ZNF251: variants seen among roughly 807,000 people sequenced by gnomAD.
ZNF251 encodes zinc finger protein 251.
Under a neutral mutation model 13.5 loss-of-function variants are expected in ZNF251, and 14 were observed. That is an observed-to-expected ratio of 1.04 (90% CI 0.69 to 1.63). ZNF251 has a LOEUF of 1.63. Ranked by LOEUF, ZNF251 falls within the 40% of genes most tolerant of loss-of-function variation. The probability of loss-of-function intolerance (pLI) is 0.00; values close to 1 mark genes in which losing one functional copy is unlikely to be tolerated. For missense variants in ZNF251, 764 were observed against 834.9 expected (o/e 0.92, Z 1.05); for synonymous variants, 287 against 295.2 (o/e 0.97, Z 0.28).
intron 4 of ZNF251, among the ~76,000 whole-genome samples, chr8:144,744,793 T>C (rs985832809): frequency 2.6e-5 from 4 of 151,838 alleles, no homozygotes; most frequent in Admixed American, 6.6e-5. Context: ...CAGTGGCTCA[T>C]GTCTGTAATC....
At position 144,753,770 on chromosome 8, in the gene ZNF251, T is replaced by TC. The variant is rs1175871126; in HGVS notation, c.189dup (p.Ile64AspfsTer19). 2 of 1,590,678 alleles carry TC rather than the reference T, an allele frequency of 1.3e-6. No homozygotes were observed. The stretch of plus-strand genomic sequence containing the variant: ...TCCTTCCCCTGCTCCAGCTGGGAGA[T>TC]CAACTCCGGCTTAGGGACAGGGAAT... On this transcript the variant is annotated frameshift_variant, in exon 4 of 5. Coordinates refer to ENST00000292562, the MANE Select transcript of ZNF251 (RefSeq NM_138367.2). LOFTEE classifies it high-confidence loss of function.
At chr8:144,741,229 G>A (rs1315710024) in intron 4 of ZNF251, among the ~76,000 whole-genome samples, 1 of 152,218 alleles carries the variant, frequency 6.6e-6, no homozygotes, top group Admixed American at 6.5e-5. Flanking sequence ...AGAGCCCTGG[G>A]ACAGGCCAAC....
intron 4 of ZNF251, among the ~76,000 whole-genome samples, chr8:144,749,058 G>A (rs948779418): frequency 6.6e-6 from 1 of 152,190 alleles, no homozygotes; most frequent in Admixed American, 6.5e-5. Flanking sequence ...CCAGCTGCCC[G>A]GGATGCTGAT....
At position 144,722,210 on chromosome 8, in the gene ZNF251, TG is replaced by T. The variant is rs1221543654; in HGVS notation, c.1449del (p.His483GlnfsTer104). 4.3e-6 allele frequency: 7 copies of T among 1,613,884 alleles called. No homozygotes were observed. The African/African-American group carries it at 9.4e-5, about 22-fold the overall frequency. ...SSQLTLHQRVHTGEKPYDCGD... is the reference protein window; with the variant it reads ...SSQLTLHQRVXTGEKPYDCGD... Reference sequence around the variant, plus strand: ...CCACAGTCATAGGGCTTCTCTCCAGTGTGAACTCGCTGATGTAGGGTGAGCT... The same window carrying T: ...CCACAGTCATAGGGCTTCTCTCCAGTTGAACTCGCTGATGTAGGGTGAGCT... On this transcript the variant is annotated frameshift_variant, in exon 5 of 5. Coordinates refer to ENST00000292562, the MANE Select transcript of ZNF251 (RefSeq NM_138367.2). LOFTEE classifies it low-confidence loss of function (END_TRUNC). The surrounding 1 kb of genome is among the most constrained non-coding windows in gnomAD (Gnocchi z 4.8).
intron 4 of ZNF251, among the ~76,000 whole-genome samples, chr8:144,745,188 C>CT (rs746070716): frequency 0.051 from 5,792 of 114,456 alleles, 344 homozygotes; most frequent in African/African-American, 0.13. Flanking sequence ...TGTCTAGATT[C>CT]TTTTTTTTTT....
At position 144,753,709 on chromosome 8, in the gene ZNF251, G is replaced by A. The variant is rs1218938414; in HGVS notation, c.251C>T (p.Pro84Leu). 2 of 1,591,994 alleles carry A rather than the reference G, an allele frequency of 1.3e-6. No individual in the cohort carries two copies. Among genetic ancestry groups the A allele is most frequent in the Admixed American group, 1.8e-5 (1 of 56,952 alleles). ...WVLNLLGAEE[P>L]DILKSCQKDS... The stretch of plus-strand genomic sequence containing the variant: ...TTTCTGGCAGCTTTTCAAGATATCT[G>A]GTTCCTCAGCTCCCAGAAGATTCAG... Residue 84 changes from proline (P) to leucine (L), a missense_variant, in exon 4 of 5, where the codon CCA (proline) becomes CTA (leucine). Coordinates refer to ENST00000292562, the MANE Select transcript of ZNF251 (RefSeq NM_138367.2).
At chr8:144,754,863 G>A in intron 1 of ZNF251, 60 bp from the exon 2 acceptor site, 2 of 1,477,474 alleles carry the variant, frequency 1.4e-6, no homozygotes, top group African/African-American at 1.4e-5. Flanking sequence ...AGGATGGCCA[G>A]GAGGCAGAAG....
intron 4 of ZNF251, among the ~76,000 whole-genome samples, chr8:144,730,930 G>A (rs757899325): frequency 5.9e-5 from 9 of 152,354 alleles, no homozygotes; most frequent in Middle Eastern, 3.4e-3. Context: ...GACACCCAGT[G>A]ACGGTCGTGG....
In ZNF251 at chr8:144,721,985, C is replaced by T. The variant is rs1563752995; in HGVS notation, c.1675G>A (p.Val559Ile). The T allele has an allele frequency of 6.4e-7, 1 of 1,555,864 alleles. No homozygotes were observed. The highest frequency in any genetic ancestry group is 8.7e-7 in the Non-Finnish European group (1 of 1,150,810). Residue 559 changes from valine to isoleucine, a missense_variant, in exon 5 of 5, where the codon GTT becomes ATT. Physicochemically the swap from Val to Ile is conservative, Grantham distance 29 (BLOSUM62 3). Coordinates refer to ENST00000292562, the MANE Select transcript of ZNF251 (RefSeq NM_138367.2). ...HGANLILRWT[V>I]HTGEKSFGCN... is the part of the protein sequence containing the mutation. ...CCAAAGGATTTCTCACCAGTGTGAA[C>T]TGTCCAGCGCAGAATGAGATTTGCA...
intron 4 of ZNF251, among the ~76,000 whole-genome samples, chr8:144,735,863 C>A (rs1232320015): frequency 6.6e-6 from 1 of 152,196 alleles, no homozygotes; most frequent in Non-Finnish European, 1.5e-5. Context: ...CACGGCAGCT[C>A]TGGACAAGAC....
At chr8:144,753,528 G>A in intron 4 of ZNF251, 155 bp downstream of exon 4, 1 of 589,402 alleles carries the variant, frequency 1.7e-6, no homozygotes, top group Non-Finnish European at 3.0e-6. Flanking sequence ...TAAAGCATGT[G>A]CACATGCTCA....
At chr8:144,752,169 A>G (rs1384200163) in intron 4 of ZNF251, among the ~76,000 whole-genome samples, 1 of 151,550 alleles carries the variant, frequency 6.6e-6, no homozygotes, top group Non-Finnish European at 1.5e-5. Context: ...CAGCAAGGAT[A>G]CAGAAGACCT....
intron 4 of ZNF251, among the ~76,000 whole-genome samples, chr8:144,749,638 CTAT>C (rs1824595421): frequency 6.6e-6 from 1 of 152,240 alleles, no homozygotes; most frequent in East Asian, 1.9e-4. Flanking sequence ...CCTGAGCATT[CTAT>C]TATATGTAAT....
At chr8:144,737,955 A>G (rs1563762701) in intron 4 of ZNF251, among the ~76,000 whole-genome samples, 1 of 152,244 alleles carries the variant, frequency 6.6e-6, no homozygotes, top group East Asian at 1.9e-4. Context: ...AGATCCTATT[A>G]ATCGTTAAAC....
Position 144,721,841 on chromosome 8 carries a change from A to T in ZNF251, c.1819T>A (p.Ser607Thr), listed in dbSNP as rs774060902. 12 of 1,498,212 alleles carry T rather than the reference A, an allele frequency of 8.0e-6. No homozygotes were observed. The African/African-American group carries it at 1.7e-4, about 21-fold the overall frequency. The allele number at this position is 1,498,212 out of a possible 1,614,324, so 92.8% of individuals were successfully genotyped here. Reference protein sequence around the residue: ...QECGNAFSGKSTLIQHQVTHT... With the variant: ...QECGNAFSGKTTLIQHQVTHT... Reference sequence around the variant, plus strand: ...GTTACCTGATGTTGAATAAGGGTTGACTTTCCACTGAAGGCGTTTCCACAT... The same window carrying T: ...GTTACCTGATGTTGAATAAGGGTTGTCTTTCCACTGAAGGCGTTTCCACAT... Residue 607 changes from serine to threonine, a missense_variant, in exon 5 of 5, where the codon TCA becomes ACA. Physicochemically the swap from Ser to Thr is moderately conservative, Grantham distance 58. Coordinates refer to ENST00000292562, the MANE Select transcript of ZNF251 (RefSeq NM_138367.2).
chr8:144,746,598 A>C (rs1586703901), intron 4 of ZNF251, among the ~76,000 whole-genome samples: 1 of 152,302 alleles, frequency 6.6e-6, no homozygotes, highest in East Asian at 1.9e-4. Context: ...TAGAAGTCAT[A>C]AGTGAACCCA....
chr8:144,750,821 G>T (rs1285586155), intron 4 of ZNF251, among the ~76,000 whole-genome samples: 2 of 145,872 alleles, frequency 1.4e-5, no homozygotes, highest in African/African-American at 5.1e-5. Context: ...GTGATTCTTT[G>T]TATCTGCCTG....
In ZNF251 at chr8:144,722,222, G is replaced by A. The variant is rs754446623; in HGVS notation, c.1438C>T (p.Gln480Ter). ...GGCTTCTCTCCAGTGTGAACTCGCT[G>A]ATGTAGGGTGAGCTGGGAGCTCTGG... ...FSQSSQLTLHQRVHTGEKPYD... is the reference protein window; with the variant it reads ...FSQSSQLTLH The change falls in exon 5 of 5, where the codon CAG becomes TAG. Residue 480 changes from glutamine to a stop codon, truncating the protein, a stop_gained. Coordinates refer to ENST00000292562, the MANE Select transcript of ZNF251 (RefSeq NM_138367.2). LOFTEE classifies it low-confidence loss of function (END_TRUNC). The surrounding 1 kb of genome is among the most constrained non-coding windows in gnomAD (Gnocchi z 4.8). The A allele has an allele frequency of 8.7e-6, 14 of 1,612,126 alleles. No homozygotes were observed. The South Asian group carries it at 1.5e-4, about 18-fold the overall frequency.
At chr8:144,745,075 G>A (rs943806079) in intron 4 of ZNF251, among the ~76,000 whole-genome samples, 4 of 152,138 alleles carry the variant, frequency 2.6e-5, no homozygotes, top group African/African-American at 7.2e-5. Flanking sequence ...CGGGGAGCGG[G>A]AGGGGAAGGG....
Sources: gnomAD v4.1 joint callset for allele counts (sites outside exome capture counted in the v4.1 genomes callset) on GRCh38, gnomAD v4.1.1 for gene constraint, Gnocchi (gnomAD v3.1) non-coding constraint, MANE v1.5 for transcripts, NCBI Gene and HGNC (gene_info 2026-07-23, HGNC 2026-07-21) for gene names.